BMP5: variants seen among roughly 807,000 people sequenced by gnomAD.
The protein encoded by BMP5 is bone morphogenetic protein 5.
BMP5 carries 23 observed loss-of-function variants against 46.6 expected under a neutral mutation model. The observed-to-expected ratio is 0.49, with a 90% CI of 0.35 to 0.70. The LOEUF (loss-of-function observed/expected upper bound fraction) is 0.70, where lower values mean the gene tolerates loss of function less well. Among genes scored for constraint, BMP5 ranks in the 30% least tolerant of loss-of-function variants. The probability of loss-of-function intolerance (pLI) is 0.00; values close to 1 mark genes in which losing one functional copy is unlikely to be tolerated. For missense variants in BMP5, 545 were observed against 565.6 expected, an observed-to-expected ratio of 0.96 and a Z score of 0.37; for synonymous variants, 204 against 191.9, an observed-to-expected ratio of 1.06 and a Z score of -0.52.
At chr6:55,780,793 G>C (rs1207378621) in intron 3 of BMP5, among the ~76,000 whole-genome samples, 2 of 152,098 alleles carry the variant, frequency 1.3e-5, no homozygotes, top group East Asian at 3.9e-4. Flanking sequence ...CAGGAAGTAG[G>C]GCCTGAGGAC....
chr6:55,833,497 T>A (rs1038272815), intron 1 of BMP5, among the ~76,000 whole-genome samples: 1 of 152,212 alleles, frequency 6.6e-6, no homozygotes, highest in African/African-American at 2.4e-5. Context: ...TTTTTCGGCT[T>A]TTGAAGGAAA....
chr6:55,838,166 G>C (rs531101719), intron 1 of BMP5, among the ~76,000 whole-genome samples: 116 of 152,298 alleles, frequency 7.6e-4, no homozygotes, highest in African/African-American at 2.6e-3. Context: ...CCAGCAGTGG[G>C]ATTGCCAAAT....
intron 2 of BMP5, among the ~76,000 whole-genome samples, chr6:55,816,743 A>T (rs1279899509): frequency 2.0e-5 from 3 of 152,136 alleles, no homozygotes; most frequent in Non-Finnish European, 4.4e-5. Context: ...CTACACACCC[A>T]ATGAATCCAT....
At chr6:55,831,495 C>A (rs1477234249) in intron 1 of BMP5, among the ~76,000 whole-genome samples, 2 of 151,890 alleles carry the variant, frequency 1.3e-5, no homozygotes, top group African/African-American at 4.8e-5. Context: ...TAATACAAAT[C>A]CTATAAAATA....
At chr6:55,795,442 AAT>A (rs1180144355) in intron 2 of BMP5, among the ~76,000 whole-genome samples, 1 of 152,100 alleles carries the variant, frequency 6.6e-6, no homozygotes, top group Non-Finnish European at 1.5e-5. Context: ...TTCATTGTTT[AAT>A]ATTATTATAC....
Position 55,783,617 on chromosome 6 carries a change from AAAAG to A in BMP5, c.833-9378_833-9375del, listed in dbSNP as rs1414740760. 3.9e-5 allele frequency among the ~76,000 whole-genome samples: 6 copies of A among 152,198 alleles called. No homozygotes were observed. In the East Asian group the frequency reaches 5.8e-4, roughly 15 times the overall value. On this transcript the variant is annotated intron_variant, in intron 3 of 6. Coordinates refer to ENST00000370830, the MANE Select transcript of BMP5 (RefSeq NM_021073.4). ...AGTTAAACTTAAGTAGAAAGAAAAGAAAAGAAAGAGTCAACCCTAGTGTATGATG... is the reference window on the plus strand; with the variant it reads ...AGTTAAACTTAAGTAGAAAGAAAAGAAAAGAGTCAACCCTAGTGTATGATG...
chr6:55,787,056 C>T (rs1247522146), intron 3 of BMP5, among the ~76,000 whole-genome samples: 5 of 151,430 alleles, frequency 3.3e-5, no homozygotes, highest in African/African-American at 1.2e-4. Flanking sequence ...AAATATCACC[C>T]TTGATCTTTG....
In BMP5 at chr6:55,809,280, A is replaced by T. The variant is rs1003008305; in HGVS notation, c.683+10375T>A. ...CATGTATAGTGTGTAAATGTATATG[A>T]GTTGTATGCATTATTCTTGCATCCA... On this transcript the variant is annotated intron_variant, in intron 2 of 6. Transcript: ENST00000370830. Among the ~76,000 whole-genome samples, 5 of 152,182 alleles carry T rather than the reference A, an allele frequency of 3.3e-5. 1 individual carries two copies. Among genetic ancestry groups the T allele is most frequent in the African/African-American group, 1.2e-4 (5 of 41,452 alleles).
chr6:55,848,125 C>G (rs985151892), intron 1 of BMP5, among the ~76,000 whole-genome samples: 4 of 151,950 alleles, frequency 2.6e-5, no homozygotes, highest in African/African-American at 4.8e-5. Flanking sequence ...CTACTTTCAA[C>G]CAGAATGCTT....
At chr6:55,800,518 TCTC>T (rs1035322013) in intron 2 of BMP5, among the ~76,000 whole-genome samples, 1 of 152,206 alleles carries the variant, frequency 6.6e-6, no homozygotes, top group Admixed American at 6.5e-5. Context: ...GATAATGTGT[TCTC>T]CTTATAATTC....
chr6:55,850,069 G>A lies in BMP5; in HGVS notation c.490+24307C>T, dbSNP rs1777191192. Among the ~76,000 whole-genome samples the A allele has an allele frequency of 5.3e-5, 8 of 152,138 alleles. No homozygotes were observed. The South Asian group carries it at 1.7e-3, about 32-fold the overall frequency. On this transcript the variant is annotated intron_variant, in intron 1 of 6. Coordinates refer to ENST00000370830, the MANE Select transcript of BMP5 (RefSeq NM_021073.4). ...TTTTTGACCAAGAACAGCACTTCATGTTTATCTCTAATACATCACCTTTCC... is the reference window on the plus strand; with the variant it reads ...TTTTTGACCAAGAACAGCACTTCATATTTATCTCTAATACATCACCTTTCC...
At chr6:55,813,097 G>GA (rs1776172628) in intron 2 of BMP5, among the ~76,000 whole-genome samples, 1 of 152,158 alleles carries the variant, frequency 6.6e-6, no homozygotes, top group Non-Finnish European at 1.5e-5. Flanking sequence ...CATGGCTTAA[G>GA]AAAAAATGAG....
At chr6:55,864,320 G>A (rs1333638434) in intron 1 of BMP5, among the ~76,000 whole-genome samples, 1 of 152,110 alleles carries the variant, frequency 6.6e-6, no homozygotes, top group Non-Finnish European at 1.5e-5. Context: ...CCTTGTGAAA[G>A]GTGCTTGGAT....
At chr6:55,816,238 A>G (rs1776262473) in intron 2 of BMP5, among the ~76,000 whole-genome samples, 1 of 152,128 alleles carries the variant, frequency 6.6e-6, no homozygotes, top group Non-Finnish European at 1.5e-5. Context: ...ATGATGTCAA[A>G]GCATTGAATC....
At chr6:55,845,393 C>A (rs1163079870) in intron 1 of BMP5, among the ~76,000 whole-genome samples, 1 of 151,420 alleles carries the variant, frequency 6.6e-6, no homozygotes, top group Non-Finnish European at 1.5e-5. Flanking sequence ...GTCTATGGAG[C>A]AACTCTTGAA....
chr6:55,815,133 C>CAAA (rs35015007), intron 2 of BMP5, among the ~76,000 whole-genome samples: 18 of 77,930 alleles, frequency 2.3e-4, no homozygotes, highest in African/African-American at 6.6e-4. Context: ...AACTCCATCT[C>CAAA]AAAAAAAAAA....
At chr6:55,863,366 C>T (rs1251973113) in intron 1 of BMP5, among the ~76,000 whole-genome samples, 1 of 152,096 alleles carries the variant, frequency 6.6e-6, no homozygotes, top group Non-Finnish European at 1.5e-5. Context: ...TAAAAACTGT[C>T]GCCAGAGCAT....
At chr6:55,837,840 T>C (rs1776855910) in intron 1 of BMP5, among the ~76,000 whole-genome samples, 1 of 152,164 alleles carries the variant, frequency 6.6e-6, no homozygotes, top group Admixed American at 6.5e-5. Context: ...GGTAACCATC[T>C]TTCTACTATC....
At chr6:55,760,941 T>A (rs1005858008) in intron 4 of BMP5, among the ~76,000 whole-genome samples, 3 of 151,996 alleles carry the variant, frequency 2.0e-5, no homozygotes, top group Non-Finnish European at 2.9e-5. Context: ...TTGTAACATC[T>A]TCCATGAGGC....
Sources: gnomAD v4.1 joint callset for allele counts (sites outside exome capture counted in the v4.1 genomes callset) on GRCh38, gnomAD v4.1.1 for gene constraint, MANE v1.5 for transcripts, NCBI Gene and HGNC (gene_info 2026-07-23, HGNC 2026-07-21) for gene names.